NCAM1: variants seen among roughly 807,000 people sequenced by gnomAD.
NCAM1 encodes antigen recognized by monoclonal antibody 5.1H11.
In NCAM1, 14 loss-of-function variants were observed where a neutral mutation model predicts 109.8. The ratio of observed to expected loss-of-function variants is 0.13; its 90% CI spans 0.08 to 0.20. The LOEUF (loss-of-function observed/expected upper bound fraction) is 0.20, where lower values mean the gene tolerates loss of function less well. Ranked by LOEUF, NCAM1 falls within the 10% of genes least tolerant of loss-of-function variation. The pLI, the probability that NCAM1 is intolerant of heterozygous loss-of-function variation, is 1.00. For missense variants in NCAM1, 774 were observed against 1,109.9 expected, an observed-to-expected ratio of 0.70 and a Z score of 4.30; for synonymous variants, 418 against 442.9, an observed-to-expected ratio of 0.94 and a Z score of 0.70.
In NCAM1 at chr11:113,199,829, T is replaced by TGAAAAAAAAAAAAA. The variant is rs60389510; in HGVS notation, c.53-2550_53-2549insGAAAAAAAAAAAAA. 6.4e-4 allele frequency among the ~76,000 whole-genome samples: 74 copies of TGAAAAAAAAAAAAA among 115,770 alleles called. 7 individuals carry two copies. The highest frequency in any genetic ancestry group is 2.4e-3 in the African/African-American group (70 of 29,344). The allele number at this position is 115,770 out of a possible 152,430, so 75.9% of individuals were successfully genotyped here. A position where few individuals can be genotyped will look rare whatever the true frequency, so the allele number is the denominator to read the frequency against. On this transcript the variant is annotated intron_variant, in intron 1 of 19. Transcript: ENST00000316851. ...GCAAATAAAGTAAAAGAAACACCCT[T>TGAAAAAAAAAAAAA]AAAAAAAAAAAAAAAAAAAACTTCT...
chr11:112,988,022 A>C (rs1951352254), intron 1 of NCAM1, among the ~76,000 whole-genome samples: 1 of 151,646 alleles, frequency 6.6e-6, no homozygotes, highest in Admixed American at 6.6e-5. Context: ...ATACGTCTTG[A>C]TTTTTTTCTC....
At chr11:113,132,634 GTGTGTGTGTGTGTGTGTC>G (rs1941440783) in intron 1 of NCAM1, among the ~76,000 whole-genome samples, 1 of 110,040 alleles carries the variant, frequency 9.1e-6, no homozygotes, top group Non-Finnish European at 2.2e-5. Flanking sequence ...GTGTGTGTGT[GTGTGTGTGTGTGTGTGTC>G]AGAGCGGGGG....
intron 1 of NCAM1, among the ~76,000 whole-genome samples, chr11:113,195,571 C>T (rs7110080): frequency 0.034 from 4,851 of 142,280 alleles, 159 homozygotes; most frequent in East Asian, 0.077. Flanking sequence ...GGCGCGATCT[C>T]GGCTCACTGC....
chr11:113,001,522 A>T (rs1951754886), intron 1 of NCAM1, among the ~76,000 whole-genome samples: 1 of 152,318 alleles, frequency 6.6e-6, no homozygotes, highest in Middle Eastern at 3.4e-3. Context: ...AGATGGAGAC[A>T]ATAGAAGGTT....
At chr11:113,193,484 A>G (rs1344878792) in intron 1 of NCAM1, among the ~76,000 whole-genome samples, 3 of 152,050 alleles carry the variant, frequency 2.0e-5, no homozygotes, top group Non-Finnish European at 4.4e-5. Context: ...CATCTCTACA[A>G]ATAATACAGA....
At chr11:113,185,924 T>C (rs1943495750) in intron 1 of NCAM1, among the ~76,000 whole-genome samples, 1 of 152,194 alleles carries the variant, frequency 6.6e-6, no homozygotes. Context: ...TTTAACAAGT[T>C]CTGGAGGTGA....
intron 14 of NCAM1, among the ~76,000 whole-genome samples, chr11:113,238,436 C>T (rs183747034): frequency 2.6e-4 from 39 of 152,126 alleles, no homozygotes; most frequent in African/African-American, 9.4e-4. Context: ...CCCTGATAAC[C>T]TTCCCAGAGT....
intron 1 of NCAM1, among the ~76,000 whole-genome samples, chr11:113,091,004 G>C (rs543932362): frequency 6.6e-6 from 1 of 152,162 alleles, no homozygotes; most frequent in South Asian, 2.1e-4. Context: ...TTAGAAAGTG[G>C]TAATAGGGAA....
chr11:113,022,472 A>T (rs913724741), intron 1 of NCAM1, among the ~76,000 whole-genome samples: 1 of 152,198 alleles, frequency 6.6e-6, no homozygotes, highest in Non-Finnish European at 1.5e-5. Flanking sequence ...GGATGAAGGA[A>T]TGTAGCCAGC....
At chr11:113,208,585 C>T (rs1179086477) in intron 7 of NCAM1, among the ~76,000 whole-genome samples, 1 of 152,028 alleles carries the variant, frequency 6.6e-6, no homozygotes, top group East Asian at 1.9e-4. Flanking sequence ...AACTCAAACT[C>T]ACCTTCTCAG....
chr11:112,966,919 G>C lies in NCAM1; in HGVS notation c.52+5255G>C, dbSNP rs1282354781. Among the ~76,000 whole-genome samples the C allele has an allele frequency of 4.6e-5, 7 of 152,326 alleles. No individual in the cohort carries two copies. The East Asian group carries it at 9.6e-4, about 21-fold the overall frequency. On this transcript the variant is annotated intron_variant, in intron 1 of 19. Coordinates refer to ENST00000316851, the MANE Select transcript of NCAM1 (RefSeq NM_181351.5). ...TTCTAAGCAATTGGAGACTCCAAGA[G>C]GACTGCACTAAAAGGATAAGCTATT...
intron 1 of NCAM1, among the ~76,000 whole-genome samples, chr11:113,091,004 G>A (rs543932362): frequency 6.6e-6 from 1 of 152,280 alleles, no homozygotes; most frequent in African/African-American, 2.4e-5. Context: ...TTAGAAAGTG[G>A]TAATAGGGAA....
intron 1 of NCAM1, among the ~76,000 whole-genome samples, chr11:113,134,527 GTAT>G (rs1227873348): frequency 1.3e-5 from 2 of 152,090 alleles, no homozygotes; most frequent in Admixed American, 6.5e-5. Context: ...ACTGTCTCTT[GTAT>G]TATTAAATTT....
At chr11:113,241,515 C>G (rs1217957234) in intron 14 of NCAM1, among the ~76,000 whole-genome samples, 5 of 152,218 alleles carry the variant, frequency 3.3e-5, no homozygotes, top group African/African-American at 1.2e-4. Flanking sequence ...GTTTATCATG[C>G]TCTGCTTTAC....
intron 1 of NCAM1, among the ~76,000 whole-genome samples, chr11:113,056,007 AT>A (rs1591288058): frequency 4.8e-5 from 6 of 124,748 alleles, no homozygotes; most frequent in South Asian, 2.5e-4. Flanking sequence ...ATATATATAT[AT>A]ATATATATAT....
Position 113,273,139 on chromosome 11 carries a change from C to T in NCAM1, c.2456+1263C>T. 2.3e-6 allele frequency: 1 copy of T among 444,388 alleles called. No individual in the cohort carries two copies. The allele number at this position is 444,388 out of a possible 1,614,324, so 27.5% of individuals were successfully genotyped here. A position where few individuals can be genotyped will look rare whatever the true frequency, so the allele number is the denominator to read the frequency against. On this transcript the variant is annotated intron_variant, in intron 19 of 19. Coordinates refer to ENST00000316851, the MANE Select transcript of NCAM1 (RefSeq NM_181351.5). The surrounding 1 kb of genome is among the most constrained non-coding windows in gnomAD (Gnocchi z 6.0). ...GTACCGGCTGGCCAGGCCACCCCTT[C>T]CAAGGGGCCCAGCGCCTCTGCCCCC... is the stretch of plus-strand genomic sequence containing the variant.
At chr11:113,231,919 AC>A in intron 10 of NCAM1, 124 bp downstream of exon 10, 1 of 1,316,268 alleles carries the variant, frequency 7.6e-7, no homozygotes, top group South Asian at 1.3e-5. Flanking sequence ...CCTGCAGCTG[AC>A]CCTGGGCTAT....
intron 1 of NCAM1, among the ~76,000 whole-genome samples, chr11:113,083,890 C>T (rs1221837346): frequency 2.0e-5 from 3 of 152,088 alleles, no homozygotes; most frequent in Non-Finnish European, 4.4e-5. Context: ...CCAGAGCAGA[C>T]GTTTGTCCCT....
intron 1 of NCAM1, among the ~76,000 whole-genome samples, chr11:113,105,334 C>T (rs1940106713): frequency 6.6e-6 from 1 of 152,184 alleles, no homozygotes; most frequent in Admixed American, 6.5e-5. Flanking sequence ...TGCTCTATCA[C>T]AATTCTTACC....
Sources: gnomAD v4.1 joint callset for allele counts (sites outside exome capture counted in the v4.1 genomes callset) on GRCh38, gnomAD v4.1.1 for gene constraint, Gnocchi (gnomAD v3.1) non-coding constraint, MANE v1.5 for transcripts, NCBI Gene and HGNC (gene_info 2026-07-23, HGNC 2026-07-21) for gene names.